SLC25A48: variants seen among roughly 807,000 people sequenced by gnomAD.
The protein encoded by SLC25A48 is CTC-321K16.1.
In SLC25A48, 29 loss-of-function variants were observed where a neutral mutation model predicts 32.2. That is an observed-to-expected ratio of 0.90 (90% confidence interval 0.67 to 1.23). SLC25A48 has a LOEUF of 1.23. Ranked by LOEUF, SLC25A48 falls within the 50% of genes most tolerant of loss-of-function variation. The pLI, the probability that SLC25A48 is intolerant of heterozygous loss-of-function variation, is 0.00. For missense variants in SLC25A48, 399 were observed against 422.7 expected, an observed-to-expected ratio of 0.94 and a Z score of 0.49; for synonymous variants, 164 against 172.3, an observed-to-expected ratio of 0.95 and a Z score of 0.38.
At chr5:135,797,750 G>A (rs1757223543) in intron 3 of SLC25A48, among the ~76,000 whole-genome samples, 2 of 151,678 alleles carry the variant, frequency 1.3e-5, no homozygotes, top group Non-Finnish European at 2.9e-5. Context: ...ATAATTTCCA[G>A]GGGAAGAGAG....
At chr5:135,841,196 G>T (rs1291345883) in intron 1 of SLC25A48, among the ~76,000 whole-genome samples, 2 of 152,168 alleles carry the variant, frequency 1.3e-5, no homozygotes, top group Non-Finnish European at 2.9e-5. Context: ...TCATGTGTCT[G>T]TTGGTCATCT....
chr5:135,624,394 A>G (rs1424310334), intron 1 of SLC25A48, among the ~76,000 whole-genome samples: 1 of 152,226 alleles, frequency 6.6e-6, no homozygotes, highest in East Asian at 1.9e-4. Flanking sequence ...GGGTTAGTGG[A>G]TGTTAAGAAA....
intron 3 of SLC25A48, among the ~76,000 whole-genome samples, chr5:135,715,288 T>C (rs1458500708): frequency 1.3e-5 from 2 of 152,226 alleles, no homozygotes; most frequent in African/African-American, 4.8e-5. Context: ...TTTCTGTCTC[T>C]TCCCTGCATA....
At chr5:135,642,179 C>A (rs1011197226) in intron 3 of SLC25A48, among the ~76,000 whole-genome samples, 1 of 152,216 alleles carries the variant, frequency 6.6e-6, no homozygotes, top group African/African-American at 2.4e-5. Flanking sequence ...CTGATGGTGG[C>A]TGTCATAGTG....
At chr5:135,842,032 T>A (rs1759044761) in intron 1 of SLC25A48, among the ~76,000 whole-genome samples, 1 of 152,228 alleles carries the variant, frequency 6.6e-6, no homozygotes, top group African/African-American at 2.4e-5. Context: ...CCATTGCAAA[T>A]CACAGGTCAA....
At chr5:135,632,560 C>T (rs1482256426) in intron 2 of SLC25A48, among the ~76,000 whole-genome samples, 1 of 152,178 alleles carries the variant, frequency 6.6e-6, no homozygotes, top group African/African-American at 2.4e-5. Flanking sequence ...ATTCTGGCCT[C>T]TCTCATTCTT....
rs528040668 is a variant in SLC25A48, at chr5:135,620,121, A to G, written c.-848-9116A>G. ...TCTGGGACCCCAGCAGTCCATGTTT[A>G]TATTGGCATAGTTCTGACAGCTTGG... On this transcript the variant is annotated intron_variant, in intron 1 of 10. Transcript: ENST00000646290. Among the ~76,000 whole-genome samples the G allele has an allele frequency of 5.9e-5, 9 of 152,236 alleles. No homozygotes were observed. In the South Asian group the frequency reaches 1.9e-3, roughly 32 times the overall value.
At chr5:135,603,483 G>A (rs1490044374) in intron 1 of SLC25A48, among the ~76,000 whole-genome samples, 9 of 152,228 alleles carry the variant, frequency 5.9e-5, no homozygotes, top group Admixed American at 5.2e-4. Flanking sequence ...GTAGAATCCT[G>A]ATGAGGCAGG....
At chr5:135,841,011 C>A (rs549146343) in intron 1 of SLC25A48, among the ~76,000 whole-genome samples, 1 of 152,310 alleles carries the variant, frequency 6.6e-6, no homozygotes, top group Admixed American at 6.5e-5. Flanking sequence ...TCCACCATGG[C>A]TGTATGATTT....
chr5:135,757,411 A>T (rs1755941453), intron 3 of SLC25A48, among the ~76,000 whole-genome samples: 1 of 149,546 alleles, frequency 6.7e-6, no homozygotes. Flanking sequence ...CTGTTAACAC[A>T]CTATGATATT....
At chr5:135,623,017 C>A (rs1428972418) in intron 1 of SLC25A48, among the ~76,000 whole-genome samples, 1 of 152,192 alleles carries the variant, frequency 6.6e-6, no homozygotes, top group Non-Finnish European at 1.5e-5. Flanking sequence ...GAAACCCCTT[C>A]TGAGTCAACC....
intron 1 of SLC25A48, among the ~76,000 whole-genome samples, chr5:135,606,735 T>C (rs1007985915): frequency 1.3e-5 from 2 of 152,212 alleles, no homozygotes; most frequent in African/African-American, 4.8e-5. Flanking sequence ...AGGGAGTTCC[T>C]TGGAAAAACA....
At chr5:135,871,060 GAC>G (rs10569008) in intron 4 of SLC25A48, among the ~76,000 whole-genome samples, 19,826 of 137,178 alleles carry the variant, frequency 0.14, 1,574 homozygotes, top group Non-Finnish European at 0.19. Flanking sequence ...TGTGTACACA[GAC>G]ACACACACAC....
chr5:135,653,774 A>G (rs1753173302), intron 3 of SLC25A48: 2 of 455,928 alleles, frequency 4.4e-6, no homozygotes, highest in Non-Finnish European at 4.4e-6. Context: ...TCAGTAGGCC[A>G]TGTCCATGAT....
At chr5:135,613,818 AC>A (rs1035176505) in intron 1 of SLC25A48, among the ~76,000 whole-genome samples, 3 of 152,004 alleles carry the variant, frequency 2.0e-5, no homozygotes, top group African/African-American at 7.2e-5. Flanking sequence ...TTTTACACCA[AC>A]CCCATGCTAT....
At chr5:135,869,454 T>G (rs1035176242) in intron 4 of SLC25A48, among the ~76,000 whole-genome samples, 3 of 152,148 alleles carry the variant, frequency 2.0e-5, no homozygotes, top group African/African-American at 7.2e-5. Flanking sequence ...ACAAGGCCAG[T>G]TGGAGGTTTG....
intron 3 of SLC25A48, among the ~76,000 whole-genome samples, chr5:135,695,674 A>G (rs1456549276): frequency 6.6e-6 from 1 of 151,920 alleles, no homozygotes; most frequent in Non-Finnish European, 1.5e-5. Flanking sequence ...CTTTCCTCCC[A>G]TCTCCTGTGC....
chr5:135,750,726 C>T (rs184359513), intron 3 of SLC25A48, among the ~76,000 whole-genome samples: 1 of 152,234 alleles, frequency 6.6e-6, no homozygotes, highest in East Asian at 1.9e-4. Context: ...CACACATGAC[C>T]TCAATTCTTT....
At chr5:135,783,266 C>T (rs115391617) in intron 3 of SLC25A48, among the ~76,000 whole-genome samples, 3,443 of 96,066 alleles carry the variant, frequency 0.036, 338 homozygotes, top group African/African-American at 0.078. Flanking sequence ...ACTGTGGTAT[C>T]GTCCCTAATA....
Sources: allele counts gnomAD v4.1 joint callset (sites outside exome capture counted in the v4.1 genomes callset), GRCh38; gene constraint gnomAD v4.1.1; transcripts MANE v1.5; gene names NCBI Gene and HGNC (gene_info 2026-07-23, HGNC 2026-07-21).